Variants in FAM107B observed in about 807,000 individuals in gnomAD.
FAM107B encodes the protein protein FAM107B.
FAM107B carries 21 observed loss-of-function variants against 31.5 expected under a neutral mutation model. The observed-to-expected ratio is 0.67, with a 90% CI of 0.47 to 0.96. FAM107B has a LOEUF of 0.96. FAM107B is among the 40% of genes least tolerant of loss of function. The pLI is 0.00. For missense variants in FAM107B, 452 were observed against 377.1 expected (o/e 1.20, Z -1.64); for synonymous variants, 157 against 141.5 (o/e 1.11, Z -0.78).
chr10:14,673,875 G>A (rs188727397), intron 1 of FAM107B, among the ~76,000 whole-genome samples: 10 of 152,214 alleles, frequency 6.6e-5, no homozygotes, highest in Admixed American at 6.5e-4. Context: ...GTGATGTGGA[G>A]CATTTTTTTA....
intron 2 of FAM107B, among the ~76,000 whole-genome samples, chr10:14,590,105 C>T (rs1851967265): frequency 6.6e-6 from 1 of 152,164 alleles, no homozygotes; most frequent in South Asian, 2.1e-4. Flanking sequence ...TGGTCTTGGG[C>T]AAGCAATTTA....
chr10:14,541,526 G>A (rs1442613975), intron 2 of FAM107B, among the ~76,000 whole-genome samples: 1 of 152,082 alleles, frequency 6.6e-6, no homozygotes, highest in Non-Finnish European at 1.5e-5. Context: ...ACCTTGCAAA[G>A]ACCAGCTCAC....
intron 1 of FAM107B, among the ~76,000 whole-genome samples, chr10:14,753,109 C>CA (rs1832862422): frequency 6.6e-6 from 1 of 151,994 alleles, no homozygotes; most frequent in Admixed American, 6.6e-5. Context: ...ATGGCATTAC[C>CA]AAAAAGATGG....
At chr10:14,752,095 C>T (rs1832839721) in intron 1 of FAM107B, among the ~76,000 whole-genome samples, 1 of 152,168 alleles carries the variant, frequency 6.6e-6, no homozygotes, top group African/African-American at 2.4e-5. Flanking sequence ...TCACTCCCAG[C>T]CTGTTGGTTT....
intron 2 of FAM107B, among the ~76,000 whole-genome samples, chr10:14,628,187 G>C (rs991461446): frequency 7.0e-6 from 1 of 143,876 alleles, no homozygotes; most frequent in African/African-American, 2.6e-5. Context: ...CGCGATCTCA[G>C]GTCACTGCAA....
At chr10:14,534,416 CCTT>C in intron 2 of FAM107B, among the ~76,000 whole-genome samples, 1 of 152,168 alleles carries the variant, frequency 6.6e-6, no homozygotes, top group Non-Finnish European at 1.5e-5. Flanking sequence ...ATCACTATGA[CCTT>C]CTTCACAGCT....
chr10:14,705,569 C>G (rs1855500338), intron 1 of FAM107B, among the ~76,000 whole-genome samples: 1 of 152,090 alleles, frequency 6.6e-6, no homozygotes, highest in Non-Finnish European at 1.5e-5. Context: ...CACAACATAA[C>G]TGGATCTTGA....
chr10:14,671,881 A>C (rs11259253), intron 1 of FAM107B, among the ~76,000 whole-genome samples: 38,664 of 108,778 alleles, frequency 0.36, 6,022 homozygotes, highest in Non-Finnish European at 0.46. Context: ...TTAAAAAAAA[A>C]AAACAAAAAA....
intron 2 of FAM107B, among the ~76,000 whole-genome samples, chr10:14,646,895 G>T (rs916000307): frequency 3.6e-5 from 5 of 138,096 alleles, no homozygotes; most frequent in Non-Finnish European, 6.1e-5. Flanking sequence ...CTGGATTCAC[G>T]CCATTCTCCT....
At chr10:14,660,609 C>A (rs1854208549) in intron 2 of FAM107B, among the ~76,000 whole-genome samples, 1 of 152,226 alleles carries the variant, frequency 6.6e-6, no homozygotes, top group Non-Finnish European at 1.5e-5. Flanking sequence ...ATGTCACCTA[C>A]AAACCTGAGT....
intron 1 of FAM107B, among the ~76,000 whole-genome samples, chr10:14,761,007 G>A (rs1346473442): frequency 5.6e-5 from 4 of 71,440 alleles, no homozygotes; most frequent in Admixed American, 2.1e-4. Flanking sequence ...GCAAGACTCC[G>A]TTTCAAAAAA....
rs763943353 is a variant in FAM107B, at chr10:14,774,317, G to A, written c.347C>T (p.Ala116Val). ...GTGAAACACCACTGCTTCACAGTCC[G>A]CCCCATCATCCAGGGACCCGGGCAC... ...EDVPGSLDDG[A>V]DCEAVVFHAS... The change falls in exon 1 of 5, where the codon GCG becomes GTG. Residue 116 changes from alanine (A) to valine (V), a missense_variant. Coordinates refer to ENST00000181796, the MANE Select transcript of FAM107B (RefSeq NM_031453.4). The A allele has an allele frequency of 2.5e-6, 4 of 1,614,168 alleles. No homozygotes were observed. In the South Asian group the frequency reaches 3.3e-5, roughly 13 times the overall value.
intron 1 of FAM107B, among the ~76,000 whole-genome samples, chr10:14,700,184 C>T (rs553972251): frequency 2.0e-5 from 3 of 152,206 alleles, no homozygotes; most frequent in East Asian, 1.9e-4. Flanking sequence ...TTACCTGCCT[C>T]GGCCTCCCAA....
intron 1 of FAM107B, among the ~76,000 whole-genome samples, chr10:14,758,876 A>C (rs1156434644): frequency 4.3e-5 from 5 of 115,372 alleles, no homozygotes; most frequent in African/African-American, 1.7e-4. Flanking sequence ...CCTCTCAGAA[A>C]AAAAAAAAAA....
At chr10:14,607,603 G>A (rs1271952713) in intron 2 of FAM107B, among the ~76,000 whole-genome samples, 3 of 152,296 alleles carry the variant, frequency 2.0e-5, no homozygotes, top group East Asian at 3.9e-4. Context: ...CCCTCAGCCC[G>A]AGTCTGATAT....
At position 14,520,266 on chromosome 10, in the gene FAM107B, T is replaced by C. The variant is rs891278183; in HGVS notation, c.*924A>G. ...TTAGAATGCCTAGAGAAATCCTGAC[T>C]GCCCAGCTGGTCATGGGAACCTTCC... On this transcript the variant is annotated 3_prime_UTR_variant, in exon 5 of 5. Transcript: ENST00000181796. 6.6e-6 allele frequency: 1 copy of C among 152,234 alleles called. No homozygotes were observed. The highest frequency in any genetic ancestry group is 1.5e-5 in the Non-Finnish European group (1 of 68,040). 9.4% of individuals were successfully genotyped at this position (152,234 alleles called of 1,614,324 possible). A position where few individuals can be genotyped will look rare whatever the true frequency, so the allele number is the denominator to read the frequency against.
intron 2 of FAM107B, among the ~76,000 whole-genome samples, chr10:14,543,691 T>TA (rs11318873): frequency 0.64 from 88,442 of 138,686 alleles, 28,419 homozygotes; most frequent in East Asian, 0.81. Context: ...CTAAAAACTT[T>TA]AAAAAAAAAA....
intron 2 of FAM107B, among the ~76,000 whole-genome samples, chr10:14,659,727 T>C (rs117110318): frequency 0.014 from 2,061 of 152,266 alleles, 21 homozygotes; most frequent in Non-Finnish European, 0.019. Context: ...GCAGACACTT[T>C]GTCTGAATTG....
At chr10:14,583,185 A>G (rs2131313269) in intron 2 of FAM107B, among the ~76,000 whole-genome samples, 2 of 152,274 alleles carry the variant, frequency 1.3e-5, no homozygotes, top group South Asian at 4.1e-4. Context: ...GAGCCTGATA[A>G]ATCATACTAT....
Sources: allele counts gnomAD v4.1 joint callset (sites outside exome capture counted in the v4.1 genomes callset), GRCh38; gene constraint gnomAD v4.1.1; transcripts MANE v1.5; gene names NCBI Gene and HGNC (gene_info 2026-07-23, HGNC 2026-07-21).